NT5C2: variants seen among roughly 807,000 people sequenced by gnomAD.
NT5C2 encodes the protein cytosolic purine 5'-nucleotidase.
A neutral mutation model predicts 76.1 loss-of-function variants in NT5C2; 58 were observed. That is an observed-to-expected ratio of 0.76 (90% CI 0.62 to 0.95). NT5C2 has a LOEUF of 0.95. Among genes scored for constraint, NT5C2 ranks in the 40% least tolerant of loss-of-function variants. The pLI, the probability that NT5C2 is intolerant of heterozygous loss-of-function variation, is 0.00. For synonymous variants in NT5C2, 229 were observed against 237.4 expected, an observed-to-expected ratio of 0.96 and a Z score of 0.32; for missense variants, 478 against 690.3, an observed-to-expected ratio of 0.69 and a Z score of 3.45.
intron 3 of NT5C2, among the ~76,000 whole-genome samples, chr10:103,165,959 C>T (rs2086267362): frequency 6.6e-6 from 1 of 152,186 alleles, no homozygotes; most frequent in Admixed American, 6.6e-5. Context: ...CGTGAGCCAC[C>T]GTGCCTGGCT....
intron 3 of NT5C2, chr10:103,153,376 G>A (rs1349631020): frequency 2.5e-6 from 3 of 1,224,208 alleles, no homozygotes; most frequent in Non-Finnish European, 3.1e-6. Context: ...CTTGAGAACT[G>A]TAGCTCATTT....
intron 2 of NT5C2, among the ~76,000 whole-genome samples, chr10:103,178,649 G>A (rs1256419824): frequency 2.0e-5 from 3 of 151,768 alleles, no homozygotes; most frequent in Non-Finnish European, 2.9e-5. Flanking sequence ...TGGCCATCAT[G>A]GTGAAACCCC....
intron 6 of NT5C2, among the ~76,000 whole-genome samples, chr10:103,103,379 A>C (rs1260371643): frequency 1.3e-5 from 2 of 152,240 alleles, no homozygotes; most frequent in Admixed American, 6.5e-5. Flanking sequence ...GGAAGGTAAC[A>C]GTAAAAATAT....
chr10:103,152,875 TA>T (rs1457860789), intron 3 of NT5C2, among the ~76,000 whole-genome samples: 1 of 152,224 alleles, frequency 6.6e-6, no homozygotes, highest in Non-Finnish European at 1.5e-5. Flanking sequence ...AACAAAATCA[TA>T]GGCTGTTTTT....
At chr10:103,191,299 T>G (rs1340652435) in intron 1 of NT5C2, among the ~76,000 whole-genome samples, 1 of 151,602 alleles carries the variant, frequency 6.6e-6, no homozygotes, top group Non-Finnish European at 1.5e-5. Flanking sequence ...GGAGAACTGC[T>G]TGAACCCGGG....
chr10:103,169,012 T>C (rs2087107288), intron 3 of NT5C2, among the ~76,000 whole-genome samples: 3 of 133,208 alleles, frequency 2.3e-5, no homozygotes, highest in African/African-American at 8.4e-5. Flanking sequence ...ATGGTTTCTA[T>C]TTAAAATTTT....
chr10:103,121,054 T>C (rs1392871338), intron 4 of NT5C2, among the ~76,000 whole-genome samples: 2 of 152,224 alleles, frequency 1.3e-5, no homozygotes, highest in Non-Finnish European at 2.9e-5. Context: ...TAATTTCACT[T>C]TTATGAAATA....
rs2083953522 is a variant in NT5C2, at chr10:103,158,482, G to C, written c.101+16376C>G. 1.3e-5 allele frequency among the ~76,000 whole-genome samples: 2 copies of C among 151,828 alleles called. 1 individual carries two copies. Among genetic ancestry groups the C allele is most frequent in the Non-Finnish European group, 2.9e-5 (2 of 67,992 alleles). On this transcript the variant is annotated intron_variant, in intron 3 of 18. Coordinates refer to ENST00000404739, the MANE Select transcript of NT5C2 (RefSeq NM_001351169.2). ...CATCAACAAAATTGACATTTAGCTA[G>C]ACTGACCCAAAAAAAGAAGACTCAA...
chr10:103,124,877 A>G (rs1305481993), intron 4 of NT5C2: 1 of 148,256 alleles, frequency 6.7e-6, no homozygotes, highest in Non-Finnish European at 1.5e-5. Context: ...ATAATTTAAT[A>G]ATTAAATTTA....
At chr10:103,137,473 T>C (rs1186979476) in intron 4 of NT5C2, among the ~76,000 whole-genome samples, 1 of 152,252 alleles carries the variant, frequency 6.6e-6, no homozygotes, top group Non-Finnish European at 1.5e-5. Flanking sequence ...CGTATCTATG[T>C]AGCAAGTACT....
intron 1 of NT5C2, among the ~76,000 whole-genome samples, chr10:103,192,533 A>G (rs1395039215): frequency 1.3e-5 from 2 of 152,232 alleles, no homozygotes; most frequent in Non-Finnish European, 2.9e-5. Context: ...AAAGGAGAAG[A>G]ATAGGCCGCC....
intron 3 of NT5C2, among the ~76,000 whole-genome samples, chr10:103,172,393 C>T (rs946261775): frequency 2.0e-5 from 3 of 151,154 alleles, no homozygotes; most frequent in Admixed American, 6.6e-5. Context: ...GGACTACAGG[C>T]ACCTGCCACC....
chr10:103,123,122 CTTTT>C (rs140001466), intron 4 of NT5C2, among the ~76,000 whole-genome samples: 2 of 151,996 alleles, frequency 1.3e-5, no homozygotes, highest in Non-Finnish European at 2.9e-5. Context: ...ACTTAGTAGC[CTTTT>C]TTATTTTTTG....
chr10:103,133,221 C>T (rs796065751), intron 4 of NT5C2, among the ~76,000 whole-genome samples: 21 of 152,320 alleles, frequency 1.4e-4, no homozygotes, highest in African/African-American at 4.6e-4. Flanking sequence ...CTTTCACCTT[C>T]CACCATGATT....
chr10:103,138,602 G>C (rs2136257883), intron 4 of NT5C2, among the ~76,000 whole-genome samples: 1 of 152,282 alleles, frequency 6.6e-6, no homozygotes, highest in East Asian at 1.9e-4. Flanking sequence ...CCCTGCAAAA[G>C]GCACAAACTC....
intron 4 of NT5C2, among the ~76,000 whole-genome samples, chr10:103,129,032 T>G (rs1485456174): frequency 1.3e-4 from 11 of 82,676 alleles, no homozygotes; most frequent in South Asian, 4.7e-4. Flanking sequence ...AGGTGGGGGG[T>G]CAGCCCCCCC....
At chr10:103,183,922 T>TAA (rs1334410558) in intron 1 of NT5C2, among the ~76,000 whole-genome samples, 1 of 152,064 alleles carries the variant, frequency 6.6e-6, no homozygotes, top group East Asian at 1.9e-4. Context: ...TCTCATCTTT[T>TAA]AAATAGTTCA....
chr10:103,174,296 T>C (rs2089218646), intron 3 of NT5C2, among the ~76,000 whole-genome samples: 1 of 152,108 alleles, frequency 6.6e-6, no homozygotes, highest in Admixed American at 6.6e-5. Context: ...TCCCAGCTAC[T>C]GGGGAAGTTG....
intron 4 of NT5C2, among the ~76,000 whole-genome samples, chr10:103,123,031 A>G (rs1008881793): frequency 1.3e-5 from 2 of 152,122 alleles, no homozygotes; most frequent in Non-Finnish European, 2.9e-5. Context: ...CTTTTCTTAT[A>G]GGGGCCGCAA....
Sources: gnomAD v4.1 joint callset for allele counts (sites outside exome capture counted in the v4.1 genomes callset) on GRCh38, gnomAD v4.1.1 for gene constraint, MANE v1.5 for transcripts, NCBI Gene and HGNC (gene_info 2026-07-23, HGNC 2026-07-21) for gene names.